KCNIP4: variants seen among roughly 807,000 people sequenced by gnomAD.
KCNIP4 encodes Kv channel-interacting protein 4.
KCNIP4 carries 12 observed loss-of-function variants against 34.0 expected under a neutral mutation model. The observed-to-expected ratio is 0.35, with a 90% CI of 0.23 to 0.57. The LOEUF (loss-of-function observed/expected upper bound fraction) is 0.57, where lower values mean the gene tolerates loss of function less well. KCNIP4 is among the 20% of genes least tolerant of loss of function. The pLI is 0.83. For missense variants in KCNIP4, 238 were observed against 311.7 expected (o/e 0.76, Z 1.78); for synonymous variants, 124 against 102.2 (o/e 1.21, Z -1.29).
intron 1 of KCNIP4, among the ~76,000 whole-genome samples, chr4:21,452,038 T>C (rs916762165): frequency 2.0e-5 from 3 of 151,844 alleles, no homozygotes; most frequent in African/African-American, 7.3e-5. Context: ...TTCTGTTTCT[T>C]CCCCCCCAAC....
intron 1 of KCNIP4, among the ~76,000 whole-genome samples, chr4:21,420,891 T>G (rs944402991): frequency 6.6e-6 from 1 of 152,292 alleles, no homozygotes; most frequent in East Asian, 1.9e-4. Context: ...GCAAACCATT[T>G]GATAAGGGGT....
chr4:20,850,265 A>G (rs1720865305), intron 3 of KCNIP4: 1 of 238,190 alleles, frequency 4.2e-6, no homozygotes, highest in Non-Finnish European at 8.2e-6. Flanking sequence ...TTATGTCATT[A>G]TAGTTGATGA....
At chr4:20,968,412 C>T (rs144034043) in intron 1 of KCNIP4, among the ~76,000 whole-genome samples, 3,491 of 152,180 alleles carry the variant, frequency 0.023, 62 homozygotes, top group Non-Finnish European at 0.035. Context: ...TTTGACCCAA[C>T]GATCCCATTA....
chr4:21,615,473 G>T (rs1744526334), intron 1 of KCNIP4, among the ~76,000 whole-genome samples: 1 of 151,890 alleles, frequency 6.6e-6, no homozygotes, highest in African/African-American at 2.4e-5. Flanking sequence ...GTTTACCTGG[G>T]AGGTAGAGCT....
chr4:21,117,836 C>G (rs569023102), intron 1 of KCNIP4, among the ~76,000 whole-genome samples: 1 of 152,218 alleles, frequency 6.6e-6, no homozygotes, highest in East Asian at 1.9e-4. Context: ...GCAATTAGCA[C>G]TCAGAGTAGG....
At chr4:20,996,002 C>T (rs892749674) in intron 1 of KCNIP4, among the ~76,000 whole-genome samples, 3 of 152,190 alleles carry the variant, frequency 2.0e-5, no homozygotes, top group Admixed American at 2.0e-4. Flanking sequence ...TGATGTTAGT[C>T]AGGGAGTGTT....
intron 5 of KCNIP4, among the ~76,000 whole-genome samples, chr4:20,746,163 G>A (rs574698431): frequency 2.0e-5 from 3 of 152,196 alleles, no homozygotes; most frequent in Non-Finnish European, 4.4e-5. Context: ...TAAAGAAAAC[G>A]TGGCACATAT....
chr4:21,603,336 T>G (rs1165667848), intron 1 of KCNIP4, among the ~76,000 whole-genome samples: 1 of 151,702 alleles, frequency 6.6e-6, no homozygotes, highest in Non-Finnish European at 1.5e-5. Flanking sequence ...ACTTTTTGAG[T>G]ATTTGCAAGA....
At chr4:21,400,465 T>TTCC (rs1723389636) in intron 1 of KCNIP4, among the ~76,000 whole-genome samples, 1 of 117,974 alleles carries the variant, frequency 8.5e-6, no homozygotes, top group African/African-American at 3.6e-5. Flanking sequence ...TTTCTTTCTG[T>TTCC]TCCTCTCCTC....
chr4:21,451,481 T>C (rs1384988839), intron 1 of KCNIP4, among the ~76,000 whole-genome samples: 1 of 152,192 alleles, frequency 6.6e-6, no homozygotes, highest in Non-Finnish European at 1.5e-5. Flanking sequence ...TGTTTTGCTC[T>C]TGGCCCTTGA....
At chr4:21,292,630 A>T (rs1354831172) in intron 1 of KCNIP4, among the ~76,000 whole-genome samples, 1 of 152,280 alleles carries the variant, frequency 6.6e-6, no homozygotes, top group Non-Finnish European at 1.5e-5. Flanking sequence ...TGATAAGACT[A>T]TATGGTATTT....
intron 1 of KCNIP4, among the ~76,000 whole-genome samples, chr4:21,504,475 AAAAGAAAG>A (rs71191514): frequency 8.0e-4 from 82 of 101,878 alleles, no homozygotes; most frequent in Middle Eastern, 9.6e-3. Context: ...CAAAAAAAAA[AAAAGAAAG>A]AAAGAAAGAA....
intron 1 of KCNIP4, among the ~76,000 whole-genome samples, chr4:21,822,411 G>T (rs1344708249): frequency 6.6e-6 from 1 of 152,090 alleles, no homozygotes; most frequent in Admixed American, 6.6e-5. Flanking sequence ...AATCCAACAA[G>T]CAGATATAAC....
chr4:21,519,685 TATATACACAC>T (rs1560480642), intron 1 of KCNIP4, among the ~76,000 whole-genome samples: 1,247 of 124,188 alleles, frequency 0.01, 45 homozygotes, highest in African/African-American at 0.038. Context: ...TATGTATGTG[TATATACACAC>T]GTGTGTGTAT....
At chr4:21,912,578 C>G (rs1728397128) in intron 1 of KCNIP4, among the ~76,000 whole-genome samples, 3 of 152,112 alleles carry the variant, frequency 2.0e-5, no homozygotes, top group Non-Finnish European at 4.4e-5. Context: ...TAGGGCTCAA[C>G]AGTGAGGCGT....
chr4:21,239,605 C>T (rs1311648871), intron 1 of KCNIP4, among the ~76,000 whole-genome samples: 1 of 152,118 alleles, frequency 6.6e-6, no homozygotes, highest in South Asian at 2.1e-4. Context: ...ATTTATGCAG[C>T]CAACAGACAC....
chr4:21,006,244 A>C (rs903709804), intron 1 of KCNIP4, among the ~76,000 whole-genome samples: 1 of 152,230 alleles, frequency 6.6e-6, no homozygotes, highest in Non-Finnish European at 1.5e-5. Flanking sequence ...ACTAAAGAAT[A>C]AACAAGTAGA....
At chr4:21,886,491 G>A (rs1160148360) in intron 1 of KCNIP4, among the ~76,000 whole-genome samples, 1 of 152,104 alleles carries the variant, frequency 6.6e-6, no homozygotes, top group Non-Finnish European at 1.5e-5. Context: ...TAACCCTAAT[G>A]TATTTTTACA....
chr4:20,903,664 A>G (rs563954306), intron 1 of KCNIP4, among the ~76,000 whole-genome samples: 1 of 152,220 alleles, frequency 6.6e-6, no homozygotes, highest in African/African-American at 2.4e-5. Context: ...TTGATGTCTA[A>G]TGCCTCTCTA....
Sources: gnomAD v4.1 joint callset for allele counts (sites outside exome capture counted in the v4.1 genomes callset) on GRCh38, gnomAD v4.1.1 for gene constraint, MANE v1.5 for transcripts, NCBI Gene and HGNC (gene_info 2026-07-23, HGNC 2026-07-21) for gene names.